Variants in NHSL2 observed in about 807,000 individuals in gnomAD.
NHSL2 encodes NHS-like protein 2.
Under a neutral mutation model 53.4 loss-of-function variants are expected in NHSL2, and 27 were observed. The ratio of observed to expected loss-of-function variants is 0.51; its 90% CI spans 0.37 to 0.70. NHSL2 has a LOEUF of 0.70. Ranked by LOEUF, NHSL2 falls within the 30% of genes least tolerant of loss-of-function variation. The probability of loss-of-function intolerance (pLI) is 0.00; values close to 1 mark genes in which losing one functional copy is unlikely to be tolerated. For synonymous variants in NHSL2, 408 were observed against 404.1 expected (o/e 1.01, Z -0.12); for missense variants, 892 against 980.1 (o/e 0.91, Z 1.20).
intron 1 of NHSL2, among the ~76,000 whole-genome samples, chrX:72,045,183 A>T (rs1456194157): frequency 1.8e-5 from 2 of 112,063 alleles, no homozygotes; most frequent in Non-Finnish European, 3.8e-5. Flanking sequence ...TACAATGTCA[A>T]GAGTCACAGG....
intron 1 of NHSL2, among the ~76,000 whole-genome samples, chrX:71,948,904 A>G (rs2041807041): frequency 9.9e-6 from 1 of 100,593 alleles, no homozygotes; most frequent in Non-Finnish European, 2.0e-5. Flanking sequence ...GTGCAGTGGC[A>G]TGATCATGGC....
At chrX:71,930,692 G>A (rs1443990354) in intron 1 of NHSL2, among the ~76,000 whole-genome samples, 1 of 111,976 alleles carries the variant, frequency 8.9e-6, no homozygotes, top group East Asian at 2.8e-4. Flanking sequence ...TGTTTTCAAG[G>A]TTCATCCGTG....
intron 1 of NHSL2, among the ~76,000 whole-genome samples, chrX:72,101,300 G>A (rs974817222): frequency 3.6e-5 from 4 of 110,401 alleles, no homozygotes; most frequent in Non-Finnish European, 7.6e-5. Flanking sequence ...TTGAGCTCGG[G>A]GTTTGGTGTC....
intron 1 of NHSL2, chrX:72,130,752 T>C (rs760402925): frequency 2.9e-5 from 35 of 1,210,169 alleles, no homozygotes; most frequent in Non-Finnish European, 3.4e-5. Flanking sequence ...AAGACAAGAA[T>C]TGGGCCAGGA....
At chrX:72,118,042 G>A (rs899052779) in intron 1 of NHSL2, among the ~76,000 whole-genome samples, 1 of 110,563 alleles carries the variant, frequency 9.0e-6, no homozygotes, top group African/African-American at 3.3e-5. Context: ...TTGAGGAACT[G>A]CCAGACTGTT....
intron 1 of NHSL2, among the ~76,000 whole-genome samples, chrX:71,912,914 G>A (rs192609075): frequency 1.8e-5 from 2 of 111,874 alleles, no homozygotes; most frequent in East Asian, 2.8e-4. Context: ...AGCCCTTTCT[G>A]TGGGAGGGAA....
intron 1 of NHSL2, chrX:72,131,180 G>T: frequency 5.1e-6 from 6 of 1,186,400 alleles, no homozygotes; most frequent in Non-Finnish European, 6.8e-6. Flanking sequence ...GGCAGCAGAG[G>T]GGGGTCAGCG....
At chrX:72,110,892 T>C (rs1364063428) in intron 1 of NHSL2, among the ~76,000 whole-genome samples, 1 of 110,951 alleles carries the variant, frequency 9.0e-6, no homozygotes, top group Non-Finnish European at 1.9e-5. Context: ...CCTCCCAAAG[T>C]GCAGAAGGTG....
intron 1 of NHSL2, among the ~76,000 whole-genome samples, chrX:72,045,621 AGTCCCCG>A (rs2042301484): frequency 8.9e-6 from 1 of 112,035 alleles, no homozygotes; most frequent in Non-Finnish European, 1.9e-5. Flanking sequence ...GGAACCCCCC[AGTCCCCG>A]GTCAGACTGG....
At chrX:72,055,228 G>A (rs1013498856) in intron 1 of NHSL2, among the ~76,000 whole-genome samples, 2 of 111,890 alleles carry the variant, frequency 1.8e-5, no homozygotes, top group Non-Finnish European at 3.8e-5. Context: ...ACTCAGACTT[G>A]AGCAAAGTCA....
At chrX:72,122,976 G>A (rs939773142) in intron 1 of NHSL2, among the ~76,000 whole-genome samples, 1 of 112,745 alleles carries the variant, frequency 8.9e-6, no homozygotes, top group Non-Finnish European at 1.9e-5. Context: ...TCATGGACCA[G>A]CCTCTGCTCC....
At chrX:72,141,649 T>C (rs1194147424) in intron 6 of NHSL2, among the ~76,000 whole-genome samples, 1 of 112,355 alleles carries the variant, frequency 8.9e-6, no homozygotes, top group African/African-American at 3.2e-5. Context: ...GTATTTGTCT[T>C]TTTGTGACTG....
chrX:72,140,000 C>T lies in NHSL2; in HGVS notation c.2452C>T (p.Pro818Ser). The T allele has an allele frequency of 8.3e-7, 1 of 1,210,273 alleles. No individual in the cohort carries two copies. The highest frequency in any genetic ancestry group is 2.3e-4 in the Middle Eastern group (1 of 4,353). ...GGCCCAGAAAACTAATCCCAACCAGCCAATCATGCCTATGGTTACTCAGTC... is the reference window on the plus strand; with the variant it reads ...GGCCCAGAAAACTAATCCCAACCAGTCAATCATGCCTATGGTTACTCAGTC... ...KLAQKTNPNQ[P>S]IMPMVTQSDL... Residue 818 changes from proline (P) to serine (S), a missense_variant, in exon 6 of 8, where the codon CCA becomes TCA. Coordinates refer to ENST00000633930, the MANE Select transcript of NHSL2 (RefSeq NM_001013627.3).
At chrX:72,129,940 C>T (rs755049099) in intron 1 of NHSL2, 20 of 1,208,939 alleles carry the variant, frequency 1.7e-5, no homozygotes, top group South Asian at 7.1e-5. Context: ...ACGACCTGTG[C>T]GGCGAATCAG....
rs2042392534 is a variant in NHSL2 at position 72,139,499 on chromosome X, T to C, written c.1951T>C (p.Ser651Pro). ...TDWKSGDTYQSLSSSSTATGT... is the reference protein window; with the variant it reads ...TDWKSGDTYQPLSSSSTATGT... ...CTGGAAGTCTGGTGACACCTACCAA[T>C]CCCTGTCCAGCTCCAGCACTGCCAC... Residue 651 changes from serine to proline, a missense_variant, in exon 6 of 8, where the codon TCC (serine) becomes CCC (proline). Physicochemically the swap from Ser to Pro is moderately conservative, Grantham distance 74. Transcript: ENST00000633930. The C allele has an allele frequency of 8.3e-7, 1 of 1,210,642 alleles. No homozygotes were observed. Among genetic ancestry groups the C allele is most frequent in the South Asian group, 1.8e-5 (1 of 56,906 alleles).
chrX:71,994,233 A>G (rs959778978), intron 1 of NHSL2, among the ~76,000 whole-genome samples: 11 of 110,317 alleles, frequency 1.0e-4, no homozygotes, highest in African/African-American at 3.6e-4. Flanking sequence ...TCGAGAAGCA[A>G]CCAGCCTGAT....
chrX:71,968,609 A>G (rs1230903777), intron 1 of NHSL2, among the ~76,000 whole-genome samples: 1 of 111,432 alleles, frequency 9.0e-6, no homozygotes, highest in African/African-American at 3.3e-5. Context: ...ATCATTGCCT[A>G]ACCCAATATC....
Position 71,919,861 on chromosome X carries a change from G to T in NHSL2, c.280+8494G>T, listed in dbSNP as rs145262775. 4.4e-3 allele frequency among the ~76,000 whole-genome samples: 497 copies of T among 112,649 alleles called. 3 individuals carry two copies. The highest frequency in any genetic ancestry group is 0.015 in the African/African-American group (471 of 31,089). ...AAGCAGCAGAGGATGGATGCAAGCC[G>T]CATAGCCAGGCAGTGTCCCCTGCCT... On this transcript the variant is annotated intron_variant, in intron 1 of 7. Coordinates refer to ENST00000633930, the MANE Select transcript of NHSL2 (RefSeq NM_001013627.3).
At chrX:71,953,519 T>G (rs2041829966) in intron 1 of NHSL2, among the ~76,000 whole-genome samples, 1 of 111,803 alleles carries the variant, frequency 8.9e-6, no homozygotes, top group South Asian at 3.8e-4. Context: ...TGACAAAAAT[T>G]GTGAAGGTAG....
Sources: allele counts gnomAD v4.1 joint callset (sites outside exome capture counted in the v4.1 genomes callset), GRCh38; gene constraint gnomAD v4.1.1; transcripts MANE v1.5; gene names NCBI Gene and HGNC (gene_info 2026-07-23, HGNC 2026-07-21).